PPP1R9A: variants seen among roughly 807,000 people sequenced by gnomAD.
The protein encoded by PPP1R9A is protein phosphatase 1 regulatory subunit 9A, also known as neurabin-1.
PPP1R9A carries 59 observed loss-of-function variants against 141.9 expected under a neutral mutation model. The ratio of observed to expected loss-of-function variants is 0.42; its 90% CI spans 0.34 to 0.52. The LOEUF (loss-of-function observed/expected upper bound fraction) is 0.52. Ranked by LOEUF, PPP1R9A falls within the 20% of genes least tolerant of loss-of-function variation. PPP1R9A has a pLI of 0.10. For missense variants in PPP1R9A, 1,444 were observed against 1,611.9 expected, an observed-to-expected ratio of 0.90 and a Z score of 1.78; for synonymous variants, 500 against 569.7, an observed-to-expected ratio of 0.88 and a Z score of 1.74.
In PPP1R9A at chr7:95,010,419, GA is replaced by G. The variant is rs531908118; in HGVS notation, c.1395+98921del. On this transcript the variant is annotated intron_variant, in intron 2 of 19. Transcript: ENST00000433360. The stretch of plus-strand genomic sequence containing the variant: ...ACTCTAGACCCATCAGAGATGGCAA[GA>G]AAAAAAAAATAGCTTCCTTTAAATG... Among the ~76,000 whole-genome samples the G allele has an allele frequency of 1.1e-3, 156 of 147,604 alleles. 1 individual carries two copies. The highest frequency in any genetic ancestry group is 3.6e-3 in the Admixed American group (53 of 14,870).
intron 4 of PPP1R9A, among the ~76,000 whole-genome samples, chr7:95,133,542 T>TATATATGC (rs60539755): frequency 2.2e-5 from 3 of 136,910 alleles, no homozygotes; most frequent in African/African-American, 8.0e-5. Context: ...TATATATATA[T>TATATATGC]GCACATCATT....
intron 2 of PPP1R9A, among the ~76,000 whole-genome samples, chr7:95,104,921 G>GT (rs1323476528): frequency 6.6e-6 from 1 of 152,174 alleles, no homozygotes; most frequent in Non-Finnish European, 1.5e-5. Context: ...CTTGTGATGA[G>GT]TGTAACCTGT....
At chr7:95,175,895 C>G (rs1832829912) in intron 5 of PPP1R9A, among the ~76,000 whole-genome samples, 2 of 152,020 alleles carry the variant, frequency 1.3e-5, no homozygotes, top group South Asian at 4.1e-4. Flanking sequence ...AAATATTTAT[C>G]TTTTTTGGAA....
At chr7:94,929,587 A>T (rs1481335605) in intron 2 of PPP1R9A, among the ~76,000 whole-genome samples, 2 of 152,172 alleles carry the variant, frequency 1.3e-5, no homozygotes, top group Non-Finnish European at 2.9e-5. Context: ...TATTGTTGGT[A>T]CATGTTAAGG....
rs1261978017 is a variant in PPP1R9A, at chr7:95,250,092, G to C, written c.2233G>C (p.Glu745Gln). 1 of 1,613,610 alleles carries C rather than the reference G, an allele frequency of 6.2e-7. No homozygotes were observed. Among genetic ancestry groups the C allele is most frequent in the Admixed American group, 1.7e-5 (1 of 59,906 alleles). The change falls in exon 10 of 20, where the codon GAA becomes CAA. Residue 745 changes from glutamate (E) to glutamine (Q), a missense_variant. Around this residue, in one of 5 missense-constraint regions of PPP1R9A, gnomAD observed 488 missense variants for 542.0 expected, o/e 0.90. Coordinates refer to ENST00000433360, the MANE Select transcript of PPP1R9A (RefSeq NM_001166160.2). The part of the protein sequence containing the change: ...LEKTQLQQNI[E>Q]ENKERMLKLE... ...AAAAACCCAACTCCAACAAAACATA[G>C]AAGAGAATAAGGAAAGAATGTTGAA...
intron 4 of PPP1R9A, among the ~76,000 whole-genome samples, chr7:95,151,652 GT>G (rs530076715): frequency 0.012 from 1,769 of 144,830 alleles, 32 homozygotes; most frequent in Admixed American, 0.042. Flanking sequence ...GTCTTTAAAG[GT>G]TTTTTTTTTT....
At chr7:95,253,245 A>G (rs984127298) in intron 12 of PPP1R9A, among the ~76,000 whole-genome samples, 5 of 152,198 alleles carry the variant, frequency 3.3e-5, no homozygotes, top group African/African-American at 1.2e-4. Context: ...ACTCAGAGGC[A>G]ACACTTTGAC....
intron 2 of PPP1R9A, among the ~76,000 whole-genome samples, chr7:94,956,263 T>C (rs1797060168): frequency 6.6e-6 from 1 of 152,138 alleles, no homozygotes; most frequent in African/African-American, 2.4e-5. Context: ...TTAAGAACCT[T>C]CTTTTTATTG....
intron 2 of PPP1R9A, among the ~76,000 whole-genome samples, chr7:94,938,905 G>A (rs530557391): frequency 2.0e-5 from 3 of 152,266 alleles, no homozygotes; most frequent in East Asian, 3.9e-4. Context: ...TCTTAGACAC[G>A]TATCGTGATG....
At position 94,956,079 on chromosome 7, in the gene PPP1R9A, G is replaced by T. The variant is rs1031738744; in HGVS notation, c.1395+44571G>T. ...CCAGTTACTGCTGGCCCCTAGCTTG[G>T]TTGGATTTTTTTCATCAGTGATGCT... On this transcript the variant is annotated intron_variant, in intron 2 of 19. Coordinates refer to ENST00000433360, the MANE Select transcript of PPP1R9A (RefSeq NM_001166160.2). 5.3e-5 allele frequency among the ~76,000 whole-genome samples: 8 copies of T among 152,174 alleles called. 1 individual carries two copies. In the South Asian group the frequency reaches 1.7e-3, roughly 32 times the overall value.
chr7:95,012,967 C>A (rs1804634438), intron 2 of PPP1R9A, among the ~76,000 whole-genome samples: 1 of 152,050 alleles, frequency 6.6e-6, no homozygotes, highest in Non-Finnish European at 1.5e-5. Context: ...TTCTCTGGCC[C>A]CTTCCATTTT....
intron 2 of PPP1R9A, among the ~76,000 whole-genome samples, chr7:95,034,555 G>A (rs373329149): frequency 2.8e-4 from 43 of 152,126 alleles, no homozygotes; most frequent in African/African-American, 9.9e-4. Flanking sequence ...GTTTCACCAC[G>A]TTGGTCCAGC....
At chr7:95,176,435 A>G (rs1473603009) in intron 5 of PPP1R9A, 2 of 152,256 alleles carry the variant, frequency 1.3e-5, no homozygotes, top group Non-Finnish European at 2.9e-5. Context: ...GTAATATGAC[A>G]AAACAAGGCT....
chr7:95,183,647 C>T (rs986807430), intron 5 of PPP1R9A, among the ~76,000 whole-genome samples: 4 of 151,650 alleles, frequency 2.6e-5, no homozygotes, highest in Non-Finnish European at 5.9e-5. Context: ...CGGGGTTTCA[C>T]CATGTTGGCC....
chr7:94,931,859 TGAGCCACC>T (rs1259079745), intron 2 of PPP1R9A, among the ~76,000 whole-genome samples: 1 of 152,236 alleles, frequency 6.6e-6, no homozygotes. Flanking sequence ...ATTACAGGTG[TGAGCCACC>T]GTGCCCGACT....
At chr7:94,976,255 A>G (rs1799430180) in intron 2 of PPP1R9A, among the ~76,000 whole-genome samples, 1 of 152,088 alleles carries the variant, frequency 6.6e-6, no homozygotes, top group African/African-American at 2.4e-5. Flanking sequence ...TAATACAAAA[A>G]TTATTACGGC....
rs577272871 is a variant in PPP1R9A at position 94,920,699 on chromosome 7, T to C, written c.1395+9191T>C. Reference sequence around the variant, plus strand: ...TGTTTTCCATGCCAGTTGAAATATATAGGGCTAGATTCGGACATAGAGTGG... The same window carrying C: ...TGTTTTCCATGCCAGTTGAAATATACAGGGCTAGATTCGGACATAGAGTGG... On this transcript the variant is annotated intron_variant, in intron 2 of 19. Coordinates refer to ENST00000433360, the MANE Select transcript of PPP1R9A (RefSeq NM_001166160.2). Among the ~76,000 whole-genome samples, 27 of 152,308 alleles carry C rather than the reference T, an allele frequency of 1.8e-4. 1 individual carries two copies. Among genetic ancestry groups the C allele is most frequent in the South Asian group, 6.2e-4 (3 of 4,832 alleles).
intron 2 of PPP1R9A, among the ~76,000 whole-genome samples, chr7:95,050,596 G>A (rs1810654013): frequency 6.6e-6 from 1 of 152,158 alleles, no homozygotes; most frequent in Non-Finnish European, 1.5e-5. Context: ...GCGTGGTGAT[G>A]CATGCCTGTA....
chr7:94,993,797 T>C (rs537336969), intron 2 of PPP1R9A, among the ~76,000 whole-genome samples: 84 of 152,324 alleles, frequency 5.5e-4, no homozygotes, highest in Admixed American at 2.8e-3. Context: ...TCAGATTTTT[T>C]ACCCAGACTG....
Sources: gnomAD v4.1 joint callset for allele counts (sites outside exome capture counted in the v4.1 genomes callset) on GRCh38, gnomAD v4.1.1 for gene constraint, gnomAD v4.1.1 regional missense constraint, MANE v1.5 for transcripts, NCBI Gene and HGNC (gene_info 2026-07-23, HGNC 2026-07-21) for gene names.